Variants in SORCS2 observed in about 807,000 individuals in gnomAD.
The protein encoded by SORCS2 is sortilin related VPS10 domain containing receptor 2.
Under a neutral mutation model 141.6 loss-of-function variants are expected in SORCS2, and 100 were observed. The ratio of observed to expected loss-of-function variants is 0.71; its 90% CI spans 0.60 to 0.83. The LOEUF is 0.83. Ranked by LOEUF, SORCS2 falls within the 40% of genes least tolerant of loss-of-function variation. The pLI, the probability that SORCS2 is intolerant of heterozygous loss-of-function variation, is 0.00. For missense variants in SORCS2, 1,646 were observed against 1,560.2 expected, an observed-to-expected ratio of 1.05 and a Z score of -0.93; for synonymous variants, 789 against 676.9, an observed-to-expected ratio of 1.17 and a Z score of -2.57.
intron 3 of SORCS2, among the ~76,000 whole-genome samples, chr4:7,540,020 G>C (rs13151786): frequency 7.4e-3 from 607 of 82,186 alleles, no homozygotes; most frequent in Non-Finnish European, 9.5e-3. Flanking sequence ...TGGAGGCCCC[G>C]CCCCCTTTCT....
At chr4:7,277,162 T>C (rs939453908) in intron 1 of SORCS2, among the ~76,000 whole-genome samples, 3 of 152,160 alleles carry the variant, frequency 2.0e-5, no homozygotes, top group Admixed American at 1.3e-4. Context: ...GATTCTTTTT[T>C]GCTTCCAAAA....
chr4:7,465,656 G>C (rs1462535331), intron 2 of SORCS2, among the ~76,000 whole-genome samples: 1 of 152,184 alleles, frequency 6.6e-6, no homozygotes, highest in Non-Finnish European at 1.5e-5. Flanking sequence ...AGAACATGTA[G>C]AAAATATTGA....
At position 7,424,240 on chromosome 4, in the gene SORCS2, C is replaced by T. The variant is rs553078801; in HGVS notation, c.548+27885C>T. On this transcript the variant is annotated intron_variant, in intron 2 of 26. Coordinates refer to ENST00000507866, the MANE Select transcript of SORCS2 (RefSeq NM_020777.3). Reference sequence around the variant, plus strand: ...TGACTCTGGGCAAGCTCTAAGCTCCCTCTGAGCCTCTGGCTCCTCGTCTGA... The same window carrying T: ...TGACTCTGGGCAAGCTCTAAGCTCCTTCTGAGCCTCTGGCTCCTCGTCTGA... Among the ~76,000 whole-genome samples, 8 of 152,308 alleles carry T rather than the reference C, an allele frequency of 5.3e-5. No individual in the cohort carries two copies. In the East Asian group the frequency reaches 1.5e-3, roughly 29 times the overall value.
intron 9 of SORCS2, among the ~76,000 whole-genome samples, chr4:7,680,535 G>A (rs1723459855): frequency 6.6e-6 from 1 of 152,258 alleles, no homozygotes; most frequent in Non-Finnish European, 1.5e-5. Context: ...GCTCCTCCCG[G>A]CCCCTGGGAC....
At chr4:7,343,085 T>G (rs1264780831) in intron 1 of SORCS2, among the ~76,000 whole-genome samples, 1 of 152,198 alleles carries the variant, frequency 6.6e-6, no homozygotes, top group Non-Finnish European at 1.5e-5. Flanking sequence ...GAGTAGCTCG[T>G]GATCCTCTGC....
intron 1 of SORCS2, among the ~76,000 whole-genome samples, chr4:7,330,009 C>A (rs1025496310): frequency 6.6e-6 from 1 of 151,976 alleles, no homozygotes; most frequent in Non-Finnish European, 1.5e-5. Flanking sequence ...TTGGCAGGTG[C>A]GGTTCCTTCT....
chr4:7,322,286 A>C (rs1718944019), intron 1 of SORCS2, among the ~76,000 whole-genome samples: 1 of 152,130 alleles, frequency 6.6e-6, no homozygotes, highest in Non-Finnish European at 1.5e-5. Flanking sequence ...AGGATGAAGG[A>C]GGAGCCTCGT....
intron 2 of SORCS2, among the ~76,000 whole-genome samples, chr4:7,469,050 G>C (rs1366711054): frequency 2.6e-5 from 4 of 152,146 alleles, no homozygotes; most frequent in Non-Finnish European, 4.4e-5. Flanking sequence ...GCTTCACACA[G>C]AGCCTGACAA....
At chr4:7,524,913 G>A (rs923179773) in intron 2 of SORCS2, among the ~76,000 whole-genome samples, 2 of 152,168 alleles carry the variant, frequency 1.3e-5, no homozygotes, top group Admixed American at 6.5e-5. Flanking sequence ...ATAGAAAGAC[G>A]AGGGCATCCA....
At chr4:7,640,869 T>C (rs73202522) in intron 4 of SORCS2, among the ~76,000 whole-genome samples, 22,111 of 151,972 alleles carry the variant, frequency 0.15, 1,735 homozygotes, top group Middle Eastern at 0.18. Context: ...ACATGCCTCT[T>C]TCTCTCTCCA....
chr4:7,500,078 C>A (rs963200019), intron 2 of SORCS2, among the ~76,000 whole-genome samples: 2 of 152,198 alleles, frequency 1.3e-5, no homozygotes, highest in African/African-American at 2.4e-5. Context: ...TCTGACCTCA[C>A]GGGCTTTCTT....
chr4:7,223,900 A>G (rs543602916), intron 1 of SORCS2, among the ~76,000 whole-genome samples: 79 of 142,492 alleles, frequency 5.5e-4, no homozygotes, highest in African/African-American at 2.0e-3. Flanking sequence ...GCCCAGAGTC[A>G]GTCCTCTGGG....
At chr4:7,638,156 C>T (rs1247838202) in intron 3 of SORCS2, among the ~76,000 whole-genome samples, 172 bp from the exon 4 acceptor site, 2 of 152,164 alleles carry the variant, frequency 1.3e-5, no homozygotes, top group Non-Finnish European at 2.9e-5. Context: ...TTTCTGGGCA[C>T]TCCTCCCTGG....
At chr4:7,354,323 G>A (rs62279106) in intron 1 of SORCS2, among the ~76,000 whole-genome samples, 2,624 of 151,960 alleles carry the variant, frequency 0.017, 38 homozygotes, top group Non-Finnish European at 0.029. Flanking sequence ...CCTACCCAGC[G>A]CTGCCTTCCG....
chr4:7,580,520 G>C (rs952315854), intron 3 of SORCS2, among the ~76,000 whole-genome samples: 1 of 151,950 alleles, frequency 6.6e-6, no homozygotes, highest in African/African-American at 2.4e-5. Flanking sequence ...GTTTTGCATA[G>C]TGATCTACTT....
chr4:7,302,735 G>A (rs950935376), intron 1 of SORCS2, among the ~76,000 whole-genome samples: 4 of 149,744 alleles, frequency 2.7e-5, no homozygotes, highest in Admixed American at 2.0e-4. Flanking sequence ...CCAGCTTTGA[G>A]AGCAGTGTCC....
At chr4:7,333,945 A>G (rs1241729924) in intron 1 of SORCS2, among the ~76,000 whole-genome samples, 1 of 151,824 alleles carries the variant, frequency 6.6e-6, no homozygotes, top group Non-Finnish European at 1.5e-5. Context: ...CGCTTCTCCC[A>G]TCTCTGCCCC....
At position 7,201,233 on chromosome 4, in the gene SORCS2, G is replaced by T. The variant is rs1727468547; in HGVS notation, c.480+8107G>T. On this transcript the variant is annotated intron_variant, in intron 1 of 26. Coordinates refer to ENST00000507866, the MANE Select transcript of SORCS2 (RefSeq NM_020777.3). The surrounding 1 kb of genome is among the most constrained non-coding windows in gnomAD (Gnocchi z 4.4). ...TTAAGGCTGAAGGAGAGGCCTAGGG[G>T]CTGGAGCAGCCTGGAGCGCTCATGG... Among the ~76,000 whole-genome samples the T allele has an allele frequency of 6.6e-6, 1 of 152,218 alleles. No homozygotes were observed. The highest frequency in any genetic ancestry group is 1.5e-5 in the Non-Finnish European group (1 of 68,038).
intron 1 of SORCS2, among the ~76,000 whole-genome samples, chr4:7,383,060 C>T (rs112664787): frequency 1.6e-4 from 24 of 152,256 alleles, no homozygotes; most frequent in African/African-American, 4.8e-4. Flanking sequence ...AAGACTCCAG[C>T]GCTTCGATCC....
Sources: gnomAD v4.1 joint callset for allele counts (sites outside exome capture counted in the v4.1 genomes callset) on GRCh38, gnomAD v4.1.1 for gene constraint, Gnocchi (gnomAD v3.1) non-coding constraint, MANE v1.5 for transcripts, NCBI Gene and HGNC (gene_info 2026-07-23, HGNC 2026-07-21) for gene names.